KIAA2012: variants seen among roughly 807,000 people sequenced by gnomAD.
KIAA2012 encodes uncharacterized protein KIAA2012.
A neutral mutation model predicts 150.6 loss-of-function variants in KIAA2012; 125 were observed. That is an observed-to-expected ratio of 0.83 (90% CI 0.72 to 0.96). The LOEUF is 0.96. Among genes scored for constraint, KIAA2012 ranks in the 40% least tolerant of loss-of-function variants. The pLI, the probability that KIAA2012 is intolerant of heterozygous loss-of-function variation, is 0.00. For synonymous variants in KIAA2012, 462 were observed against 504.7 expected, an observed-to-expected ratio of 0.92 and a Z score of 1.13; for missense variants, 1,219 against 1,354.9, an observed-to-expected ratio of 0.90 and a Z score of 1.57.
chr2:202,192,908 AC>A (rs1174283287), intron 19 of KIAA2012, among the ~76,000 whole-genome samples: 1 of 152,160 alleles, frequency 6.6e-6, no homozygotes, highest in African/African-American at 2.4e-5. Context: ...GAACTGCTGC[AC>A]CCAGCCACAA....
chr2:202,204,894 G>A (rs1200081419), intron 23 of KIAA2012, 104 bp from the exon 24 acceptor site: 1 of 152,106 alleles, frequency 6.6e-6, no homozygotes, highest in South Asian at 2.1e-4. Flanking sequence ...GATAAGAAAG[G>A]AGCATCTCAA....
At chr2:202,164,620 AT>A (rs1462961780) in intron 14 of KIAA2012, among the ~76,000 whole-genome samples, 1 of 152,122 alleles carries the variant, frequency 6.6e-6, no homozygotes, top group African/African-American at 2.4e-5. Flanking sequence ...AATGCTTTCC[AT>A]TTGTTCTCAA....
At chr2:202,140,479 C>T (rs1386515289) in intron 13 of KIAA2012, among the ~76,000 whole-genome samples, 2 of 151,988 alleles carry the variant, frequency 1.3e-5, no homozygotes, top group African/African-American at 4.8e-5. Context: ...TAGAAGCAGC[C>T]CTGGAAAGAA....
chr2:202,093,299 C>A lies in KIAA2012; in HGVS notation c.685+114C>A, dbSNP rs370045681. The stretch of plus-strand genomic sequence containing the variant: ...TCTTGAGATTCTGGGTTGCATAGTC[C>A]TCAATCTGTAAAATGAGGGGTTAGT... On this transcript the variant is annotated intron_variant, in intron 4 of 23. Coordinates refer to ENST00000498697, the MANE Select transcript of KIAA2012 (RefSeq NM_001277372.4). 1.8e-5 allele frequency: 19 copies of A among 1,084,034 alleles called. No homozygotes were observed. The South Asian group carries it at 2.5e-4, about 14-fold the overall frequency. The allele number at this position is 1,084,034 out of a possible 1,614,324, so 67.2% of individuals were successfully genotyped here. A position where few individuals can be genotyped will look rare whatever the true frequency, so the allele number is the denominator to read the frequency against.
chr2:202,092,402 C>T (rs1689745787), intron 3 of KIAA2012, among the ~76,000 whole-genome samples: 1 of 152,218 alleles, frequency 6.6e-6, no homozygotes, highest in Non-Finnish European at 1.5e-5. Context: ...CCTCCCCACC[C>T]TTCAAGCTCA....
In KIAA2012 at chr2:202,100,448, A is replaced by C. The variant is rs1407172804; in HGVS notation, c.1154A>C (p.Lys385Thr). The change falls in exon 7 of 24, where the codon AAG (lysine) becomes ACG (threonine). Residue 385 changes from lysine (K) to threonine (T), a missense_variant and splice_region_variant. Lys to Thr is a moderately conservative substitution (Grantham distance 78). Transcript: ENST00000498697. ...ACCCCTGGGGAAGTGAAGAAGAAAAAGGTTGTGTGTATATGTATGTTTGTG... is the reference window on the plus strand; with the variant it reads ...ACCCCTGGGGAAGTGAAGAAGAAAACGGTTGTGTGTATATGTATGTTTGTG... ...IITPGEVKKK[K>T]APKALKLPPI... The C allele has an allele frequency of 6.5e-7, 1 of 1,550,016 alleles. No homozygotes were observed. Among genetic ancestry groups the C allele is most frequent in the Non-Finnish European group, 8.7e-7 (1 of 1,146,680 alleles).
intron 14 of KIAA2012, among the ~76,000 whole-genome samples, chr2:202,164,942 CT>C (rs553724257): frequency 5.5e-4 from 81 of 147,068 alleles, no homozygotes; most frequent in South Asian, 3.7e-3. Context: ...CTGGCTTTTT[CT>C]TTTTTTTTTT....
intron 2 of KIAA2012, among the ~76,000 whole-genome samples, chr2:202,085,595 A>C (rs139269951): frequency 6.6e-6 from 1 of 152,334 alleles, no homozygotes; most frequent in Non-Finnish European, 1.5e-5. Flanking sequence ...CAGGCCTGTC[A>C]GCACCTTGAT....
intron 12 of KIAA2012, among the ~76,000 whole-genome samples, chr2:202,132,692 G>GTATGTATATATATATGTATA (rs1341726692): frequency 8.3e-5 from 5 of 60,050 alleles, no homozygotes; most frequent in African/African-American, 1.4e-4. Flanking sequence ...ATATATATAT[G>GTATGTATATATATATGTATA]TATGTATATA....
chr2:202,133,115 TATATATATA>T lies in KIAA2012; in HGVS notation c.1832-5316_1832-5308del, dbSNP rs1690992709. Among the ~76,000 whole-genome samples the T allele has an allele frequency of 2.0e-4, 17 of 84,248 alleles. 4 individuals are homozygous for T. The highest frequency in any genetic ancestry group is 7.8e-4 in the African/African-American group (17 of 21,888). The allele number at this position is 84,248 out of a possible 152,430, so 55.3% of individuals were successfully genotyped here. ...GTGAGACTGTCTAAAAAAAAATATATATATATATATATATATTTTTTTTTTTTCTGGAGA... is the reference window on the plus strand; with the variant it reads ...GTGAGACTGTCTAAAAAAAAATATATTATATATTTTTTTTTTTTCTGGAGA... On this transcript the variant is annotated intron_variant, in intron 12 of 23. Transcript: ENST00000498697.
intron 13 of KIAA2012, among the ~76,000 whole-genome samples, chr2:202,139,290 A>T (rs1001569718): frequency 6.6e-5 from 10 of 152,100 alleles, no homozygotes; most frequent in Non-Finnish European, 1.3e-4. Context: ...ATGTTCACAA[A>T]TATTTATAAG....
In KIAA2012 at chr2:202,196,782, C is replaced by T; in HGVS notation, c.3188-18C>T. On this transcript the variant is annotated intron_variant, in intron 21 of 23. Transcript: ENST00000498697. The stretch of plus-strand genomic sequence containing the variant: ...AAAAATGATCCCTGCTGAGCCCACC[C>T]CCTTTTCTATTCTGCAGAGGCAGAG... 1 of 1,548,660 alleles carries T rather than the reference C, an allele frequency of 6.5e-7. No individual in the cohort carries two copies. The highest frequency in any genetic ancestry group is 8.7e-7 in the Non-Finnish European group (1 of 1,145,844).
intron 12 of KIAA2012, among the ~76,000 whole-genome samples, chr2:202,129,974 G>A (rs1690894336): frequency 6.6e-6 from 1 of 151,984 alleles, no homozygotes; most frequent in African/African-American, 2.4e-5. Flanking sequence ...CTCATATTGT[G>A]GTCTATAATT....
chr2:202,109,569 A>G, intron 9 of KIAA2012, 44 bp from the exon 10 acceptor site: 2 of 1,469,388 alleles, frequency 1.4e-6, no homozygotes, highest in Non-Finnish European at 1.8e-6. Flanking sequence ...CTTCCTGCTG[A>G]TTCTGTTTTC....
At position 202,185,995 on chromosome 2, in the gene KIAA2012, T is replaced by TA. The variant is rs546844065; in HGVS notation, c.2211-930dup. 5.7e-4 allele frequency among the ~76,000 whole-genome samples: 87 copies of TA among 151,984 alleles called. 1 individual carries two copies. In the East Asian group the frequency reaches 9.1e-3, roughly 16 times the overall value. On this transcript the variant is annotated intron_variant, in intron 16 of 23. Coordinates refer to ENST00000498697, the MANE Select transcript of KIAA2012 (RefSeq NM_001277372.4). ...ACAGTAAAGAGAATACTCATTTAGC[T>TA]AAAAAAAATAAAATAAAATGCCCAG...
chr2:202,099,882 C>T, intron 6 of KIAA2012, 86 bp downstream of exon 6: 1 of 1,160,410 alleles, frequency 8.6e-7, no homozygotes, highest in Non-Finnish European at 1.2e-6. Flanking sequence ...TGCCAAACAT[C>T]ACTTCCTTGC....
At chr2:202,187,234 C>T in intron 17 of KIAA2012, 136 bp downstream of exon 17, 1 of 908,186 alleles carries the variant, frequency 1.1e-6, no homozygotes, top group South Asian at 2.0e-5. Context: ...GAGGTCCAGC[C>T]TGTGGTCTGC....
chr2:202,152,444 G>A (rs73992849), intron 13 of KIAA2012, among the ~76,000 whole-genome samples: 19,353 of 152,178 alleles, frequency 0.13, 1,342 homozygotes, highest in South Asian at 0.25. Flanking sequence ...AATTTCAGGC[G>A]TTGGAACTCG....
At chr2:202,189,821 GTGGCGCACACCTGTAATCCCATCACTT>G (rs1189408149) in intron 18 of KIAA2012, among the ~76,000 whole-genome samples, 16 of 152,216 alleles carry the variant, frequency 1.1e-4, no homozygotes, top group Admixed American at 3.9e-4. Context: ...GCCAGGCACG[GTGGCGCACACCTGTAATCCCATCACTT>G]TGGGAGGCTG....
Sources: allele counts gnomAD v4.1 joint callset (sites outside exome capture counted in the v4.1 genomes callset), GRCh38; gene constraint gnomAD v4.1.1; transcripts MANE v1.5; gene names NCBI Gene and HGNC (gene_info 2026-07-23, HGNC 2026-07-21).